Variants in ROBO2 observed in about 807,000 individuals in gnomAD.
The protein encoded by ROBO2 is roundabout homolog 2.
A neutral mutation model predicts 160.8 loss-of-function variants in ROBO2; 53 were observed. That is an observed-to-expected ratio of 0.33 (90% CI 0.26 to 0.41). The LOEUF is 0.41. ROBO2 is among the 10% of genes least tolerant of loss of function. The probability of loss-of-function intolerance (pLI) is 1.00; values close to 1 mark genes in which losing one functional copy is unlikely to be tolerated. For synonymous variants in ROBO2, 664 were observed against 611.7 expected, an observed-to-expected ratio of 1.09 and a Z score of -1.26; for missense variants, 1,577 against 1,722.4, an observed-to-expected ratio of 0.92 and a Z score of 1.49.
At chr3:76,654,559 C>T (rs148489439) in intron 2 of ROBO2, among the ~76,000 whole-genome samples, 145 of 152,180 alleles carry the variant, frequency 9.5e-4, no homozygotes, top group African/African-American at 3.4e-3. Flanking sequence ...ATGGCTTCTT[C>T]CTTTAACAGA....
chr3:77,577,638 A>T, intron 15 of ROBO2, 24 bp downstream of exon 16: 1 of 1,612,756 alleles, frequency 6.2e-7, no homozygotes, highest in Middle Eastern at 1.7e-4. Flanking sequence ...GAAGAAGGAC[A>T]GCTCTCATGT....
intron 1 of ROBO2, among the ~76,000 whole-genome samples, chr3:77,084,430 C>G (rs2069045527): frequency 6.6e-6 from 1 of 152,082 alleles, no homozygotes; most frequent in African/African-American, 2.4e-5. Flanking sequence ...AGAAATACCA[C>G]CCTGTTCGAA....
At chr3:77,326,352 T>C (rs541168244) in intron 2 of ROBO2, among the ~76,000 whole-genome samples, 4 of 152,334 alleles carry the variant, frequency 2.6e-5, no homozygotes, top group African/African-American at 4.8e-5. Flanking sequence ...GAAATACTTA[T>C]CAAATTTATG....
intron 2 of ROBO2, among the ~76,000 whole-genome samples, chr3:76,759,693 A>G (rs1277996426): frequency 6.8e-6 from 1 of 147,752 alleles, no homozygotes. Context: ...GTGTTATAAA[A>G]TATCAGGGGG....
At chr3:77,320,706 G>GA (rs554491699) in intron 2 of ROBO2, among the ~76,000 whole-genome samples, 5 of 152,018 alleles carry the variant, frequency 3.3e-5, no homozygotes, top group South Asian at 4.1e-4. Context: ...AAAGAAAAAA[G>GA]AAAAAAAACT....
intron 2 of ROBO2, among the ~76,000 whole-genome samples, chr3:77,290,436 C>A (rs1202763015): frequency 4.0e-5 from 1 of 24,810 alleles, no homozygotes; most frequent in African/African-American, 8.6e-5. Flanking sequence ...TAGATCACCC[C>A]AGACATAAAG....
intron 2 of ROBO2, among the ~76,000 whole-genome samples, chr3:77,108,256 ATATG>A (rs1041106497): frequency 1.6e-5 from 2 of 121,572 alleles, no homozygotes; most frequent in Non-Finnish European, 3.7e-5. Flanking sequence ...ATATGCATAT[ATATG>A]TATACACATA....
chr3:77,087,973 T>C (rs1051831823), intron 1 of ROBO2, among the ~76,000 whole-genome samples: 1 of 152,086 alleles, frequency 6.6e-6, no homozygotes, highest in East Asian at 1.9e-4. Context: ...GACTCTAACT[T>C]ACACAAACCA....
At chr3:77,277,149 CTTCTTTCCTTCT>C (rs1249036226) in intron 2 of ROBO2, among the ~76,000 whole-genome samples, 131 of 100,052 alleles carry the variant, frequency 1.3e-3, no homozygotes, top group Non-Finnish European at 1.5e-3. Flanking sequence ...TCCTTCTTTC[CTTCTTTCCTTCT>C]TTCTTTCTTT....
At chr3:77,596,143 CA>C (rs1404155020) in intron 18 of ROBO2, among the ~76,000 whole-genome samples, 3 of 152,206 alleles carry the variant, frequency 2.0e-5, no homozygotes, top group African/African-American at 7.2e-5. Context: ...AAATACTGTT[CA>C]TTAATTTCAC....
intron 2 of ROBO2, among the ~76,000 whole-genome samples, chr3:76,084,393 G>A (rs1317378525): frequency 6.6e-6 from 1 of 151,874 alleles, no homozygotes; most frequent in Non-Finnish European, 1.5e-5. Flanking sequence ...CATATTTTAT[G>A]AACCTTATGT....
At chr3:77,269,619 G>GTT (rs1313118211) in intron 2 of ROBO2, among the ~76,000 whole-genome samples, 2 of 151,882 alleles carry the variant, frequency 1.3e-5, no homozygotes, top group Admixed American at 6.6e-5. Context: ...CAAGATGTGT[G>GTT]TGTATCAATA....
chr3:76,455,438 C>T (rs1221697093), intron 2 of ROBO2, among the ~76,000 whole-genome samples: 1 of 151,790 alleles, frequency 6.6e-6, no homozygotes, highest in African/African-American at 2.4e-5. Context: ...CATTTTGAAT[C>T]CTAATTTAGA....
At chr3:76,774,620 G>T (rs1211036495) in intron 2 of ROBO2, among the ~76,000 whole-genome samples, 1 of 150,750 alleles carries the variant, frequency 6.6e-6, no homozygotes, top group African/African-American at 2.4e-5. Context: ...AGTTGGTGGG[G>T]ATAAGGACAA....
intron 2 of ROBO2, among the ~76,000 whole-genome samples, chr3:76,036,196 C>G (rs958629186): frequency 2.0e-5 from 3 of 152,006 alleles, no homozygotes; most frequent in Non-Finnish European, 4.4e-5. Flanking sequence ...GTCGCCCAGG[C>G]TGGAGTGCAG....
intron 2 of ROBO2, among the ~76,000 whole-genome samples, chr3:76,466,820 A>G (rs1361101516): frequency 3.9e-5 from 6 of 152,008 alleles, no homozygotes; most frequent in Non-Finnish European, 5.9e-5. Context: ...TCATTGCTCC[A>G]TCAGCCACTA....
chr3:76,261,918 T>A (rs1399948749), intron 2 of ROBO2, among the ~76,000 whole-genome samples: 4 of 152,166 alleles, frequency 2.6e-5, no homozygotes, highest in Non-Finnish European at 4.4e-5. Context: ...TTCTTTTAGA[T>A]CCACATTATA....
intron 2 of ROBO2, among the ~76,000 whole-genome samples, chr3:76,584,201 C>T (rs1182757097): frequency 1.3e-5 from 2 of 152,080 alleles, no homozygotes; most frequent in Admixed American, 1.3e-4. Context: ...ACTTTGTCAG[C>T]AGGAAATGGT....
intron 2 of ROBO2, among the ~76,000 whole-genome samples, chr3:76,456,893 C>T (rs2077788996): frequency 6.6e-6 from 1 of 152,124 alleles, no homozygotes. Context: ...CCGTGATAAA[C>T]CCATCAGAGC....
Sources: gnomAD v4.1 joint callset for allele counts (sites outside exome capture counted in the v4.1 genomes callset) on GRCh38, gnomAD v4.1.1 for gene constraint, MANE v1.5 for transcripts, NCBI Gene and HGNC (gene_info 2026-07-23, HGNC 2026-07-21) for gene names.